PLB1: variants seen among roughly 807,000 people sequenced by gnomAD.
PLB1 encodes phospholipase B1, membrane-associated.
In PLB1, 242 loss-of-function variants were observed where a neutral mutation model predicts 227.4. That is an observed-to-expected ratio of 1.06 (90% confidence interval 0.96 to 1.18). The LOEUF (loss-of-function observed/expected upper bound fraction) is 1.18, where lower values mean the gene tolerates loss of function less well. Ranked by LOEUF, PLB1 falls within the 50% of genes most tolerant of loss-of-function variation. The pLI, the probability that PLB1 is intolerant of heterozygous loss-of-function variation, is 0.00. For missense variants in PLB1, 1,858 were observed against 1,816.3 expected (o/e 1.02, Z -0.42); for synonymous variants, 757 against 682.2 (o/e 1.11, Z -1.71).
intron 20 of PLB1, among the ~76,000 whole-genome samples, chr2:28,567,458 G>A (rs1573020453): frequency 7.1e-6 from 1 of 140,748 alleles, no homozygotes; most frequent in Admixed American, 7.1e-5. Context: ...TGCTCGGAAT[G>A]ATTTCTTTCT....
chr2:28,561,705 C>G (rs1471056806), intron 17 of PLB1, among the ~76,000 whole-genome samples: 1 of 151,790 alleles, frequency 6.6e-6, no homozygotes, highest in Non-Finnish European at 1.5e-5. Context: ...AGCCTGGCAA[C>G]ATAGGGAGGC....
chr2:28,616,118 G>T (rs1041419954), intron 44 of PLB1, among the ~76,000 whole-genome samples: 1 of 152,192 alleles, frequency 6.6e-6, no homozygotes, highest in African/African-American at 2.4e-5. Context: ...TTGATTAACA[G>T]AAAATTACAG....
At chr2:28,575,963 A>G (rs1409611169) in intron 21 of PLB1, among the ~76,000 whole-genome samples, 1 of 152,110 alleles carries the variant, frequency 6.6e-6, no homozygotes, top group Non-Finnish European at 1.5e-5. Context: ...GCTTTTTCCA[A>G]GCATATGTGG....
At chr2:28,585,134 G>T (rs766609808) in intron 25 of PLB1, among the ~76,000 whole-genome samples, 1 of 152,126 alleles carries the variant, frequency 6.6e-6, no homozygotes, top group Non-Finnish European at 1.5e-5. Flanking sequence ...AATTATTATT[G>T]TTGTCACTGC....
At chr2:28,515,104 C>T (rs1668688581) in intron 1 of PLB1, among the ~76,000 whole-genome samples, 1 of 152,220 alleles carries the variant, frequency 6.6e-6, no homozygotes. Context: ...GTGCTTAGAA[C>T]AGTGCCTGGC....
chr2:28,524,241 TGA>T lies in PLB1; in HGVS notation c.244-1019_244-1018del, dbSNP rs151134092. 6.9e-3 allele frequency among the ~76,000 whole-genome samples: 1,049 copies of T among 152,290 alleles called. 16 individuals are homozygous for T. The highest frequency in any genetic ancestry group is 0.024 in the African/African-American group (998 of 41,554). On this transcript the variant is annotated intron_variant, in intron 4 of 57. Transcript: ENST00000327757. Reference sequence around the variant, plus strand: ...TGGAGATACTGTCTTCTAGGAATTTTGAGAGAGAAAATTCACATCAGAAACTG... The same window carrying T: ...TGGAGATACTGTCTTCTAGGAATTTTGAGAGAAAATTCACATCAGAAACTG...
chr2:28,557,526 C>T (rs997152755), intron 17 of PLB1, among the ~76,000 whole-genome samples: 2 of 152,188 alleles, frequency 1.3e-5, no homozygotes, highest in Middle Eastern at 3.2e-3. Context: ...CCCTAGCATG[C>T]CAAGCCTTTC....
intron 1 of PLB1, 117 bp downstream of exon 1, chr2:28,496,286 G>A (rs1048397829): frequency 1.9e-6 from 2 of 1,042,104 alleles, no homozygotes; most frequent in Admixed American, 4.6e-5. Context: ...AAAGCACAAA[G>A]CGTACAGTTC....
At chr2:28,509,630 T>C (rs1668005586) in intron 1 of PLB1, among the ~76,000 whole-genome samples, 1 of 152,220 alleles carries the variant, frequency 6.6e-6, no homozygotes, top group South Asian at 2.1e-4. Flanking sequence ...ACAAGTGTTT[T>C]TTTTCTTGCA....
At chr2:28,617,614 G>T in intron 44 of PLB1, 113 bp from the exon 45 acceptor site, 2 of 986,240 alleles carry the variant, frequency 2.0e-6, no homozygotes, top group Admixed American at 1.7e-5. Flanking sequence ...ATCCTGTATG[G>T]TGACTCATTT....
At chr2:28,624,046 C>T (rs1029720768) in intron 49 of PLB1, among the ~76,000 whole-genome samples, 3 of 152,104 alleles carry the variant, frequency 2.0e-5, no homozygotes, top group African/African-American at 4.8e-5. Flanking sequence ...TGCAGTGAGC[C>T]GTGATCACAC....
At chr2:28,502,841 G>A (rs1667252210) in intron 1 of PLB1, among the ~76,000 whole-genome samples, 1 of 152,100 alleles carries the variant, frequency 6.6e-6, no homozygotes, top group South Asian at 2.1e-4. Flanking sequence ...ACTTGCCAAT[G>A]AAGCCATCTG....
Position 28,540,439 on chromosome 2 carries a change from C to T in PLB1, c.772C>T (p.Gln258Ter), listed in dbSNP as rs147681804. ...CAAGGTGGTGATGCAGTGGTCTTAT[C>T]AGGTGAGCCCAACCTGGGATCCCAA... ...LAKVVMQWSY[Q>*]EAWNSLLASS... The change falls in exon 12 of 58, where the codon CAG (glutamine) becomes TAG (stop). Residue 258 changes from glutamine (Q) to a stop codon, truncating the protein, a stop_gained and splice_region_variant. Transcript: ENST00000327757. LOFTEE classifies it high-confidence loss of function. The T allele has an allele frequency of 1.1e-4, 184 of 1,613,582 alleles. No homozygotes were observed. Among genetic ancestry groups the T allele is most frequent in the Middle Eastern group, 3.3e-4 (2 of 6,080 alleles).
chr2:28,518,536 T>G lies in PLB1; in HGVS notation c.184+4T>G. ...GTGAATATGCCTTCTAAATCAGGTA[T>G]GTAACCCTTGGCCATGAGCAGGAAA... On this transcript the variant is annotated splice_donor_region_variant and intron_variant, in intron 3 of 57. Coordinates refer to ENST00000327757, the MANE Select transcript of PLB1 (RefSeq NM_153021.5). 2 of 1,608,104 alleles carry G rather than the reference T, an allele frequency of 1.2e-6. No homozygotes were observed. Among genetic ancestry groups the G allele is most frequent in the Non-Finnish European group, 1.7e-6 (2 of 1,174,552 alleles).
chr2:28,585,560 A>T, intron 25 of PLB1: 1 of 524,978 alleles, frequency 1.9e-6, no homozygotes, highest in Non-Finnish European at 3.5e-6. Context: ...TACAGGCGTG[A>T]GCCACCGCGC....
intron 54 of PLB1, among the ~76,000 whole-genome samples, 197 bp from the exon 55 acceptor site, chr2:28,631,839 A>G (rs565318252): frequency 3.3e-5 from 5 of 152,358 alleles, no homozygotes; most frequent in African/African-American, 1.2e-4. Context: ...GAGAACCAGC[A>G]TAGGGCTTTG....
In PLB1 at chr2:28,605,872, C is replaced by A; in HGVS notation, c.2981C>A (p.Ser994Tyr). 1 of 1,613,708 alleles carries A rather than the reference C, an allele frequency of 6.2e-7. No individual in the cohort carries two copies. The highest frequency in any genetic ancestry group is 1.7e-5 in the Admixed American group (1 of 60,002). The change falls in exon 42 of 58, where the codon TCC (serine) becomes TAC (tyrosine). Residue 994 changes from serine (S) to tyrosine (Y), a missense_variant. Coordinates refer to ENST00000327757, the MANE Select transcript of PLB1 (RefSeq NM_153021.5). ...TTTCAGGATGGGCTCCCAGATACGT[C>A]CTTCTTTGCCCCAGACTGCATCCAC... ...PVLADGLPDT[S>Y]FFAPDCIHPN...
chr2:28,524,458 G>A (rs937237825), intron 4 of PLB1, among the ~76,000 whole-genome samples: 1 of 152,080 alleles, frequency 6.6e-6, no homozygotes, highest in Non-Finnish European at 1.5e-5. Context: ...TTTTACCAAG[G>A]GGGAAATCGG....
chr2:28,595,163 C>T (rs1439627700), intron 33 of PLB1: 3 of 152,166 alleles, frequency 2.0e-5, no homozygotes, highest in Non-Finnish European at 2.9e-5. Flanking sequence ...CTTTCTGCAG[C>T]GATGGGAAAA....
Sources: allele counts gnomAD v4.1 joint callset (sites outside exome capture counted in the v4.1 genomes callset), GRCh38; gene constraint gnomAD v4.1.1; transcripts MANE v1.5; gene names NCBI Gene and HGNC (gene_info 2026-07-23, HGNC 2026-07-21).